Variants in FARS2 observed in about 807,000 individuals in gnomAD.
The protein encoded by FARS2 is phenylalanyl-tRNA synthetase 2, mitochondrial.
FARS2 carries 40 observed loss-of-function variants against 46.4 expected under a neutral mutation model. The observed-to-expected ratio is 0.86, with a 90% CI of 0.67 to 1.12. The LOEUF (loss-of-function observed/expected upper bound fraction) is 1.12. Ranked by LOEUF, FARS2 falls within the 50% of genes most tolerant of loss-of-function variation. The probability of loss-of-function intolerance (pLI) is 0.00; values close to 1 mark genes in which losing one functional copy is unlikely to be tolerated. For missense variants in FARS2, 513 were observed against 567.9 expected (o/e 0.90, Z 0.98); for synonymous variants, 234 against 214.9 (o/e 1.09, Z -0.78).
At chr6:5,767,457 A>G (rs576387029) in intron 6 of FARS2, among the ~76,000 whole-genome samples, 7 of 152,288 alleles carry the variant, frequency 4.6e-5, no homozygotes, top group Admixed American at 1.3e-4. Flanking sequence ...CATGCTATCA[A>G]TTCTCTAGGA....
At chr6:5,707,086 T>C (rs1464209097) in intron 6 of FARS2, among the ~76,000 whole-genome samples, 1 of 152,234 alleles carries the variant, frequency 6.6e-6, no homozygotes, top group Non-Finnish European at 1.5e-5. Flanking sequence ...ATATGTGCTT[T>C]TCCTGCATTC....
chr6:5,713,128 T>A, intron 6 of FARS2, among the ~76,000 whole-genome samples: 1 of 152,242 alleles, frequency 6.6e-6, no homozygotes, highest in Admixed American at 6.5e-5. Context: ...TGATTTGTGA[T>A]TTTGTCTTTA....
At chr6:5,713,869 G>T (rs967467753) in intron 6 of FARS2, among the ~76,000 whole-genome samples, 1 of 152,184 alleles carries the variant, frequency 6.6e-6, no homozygotes, top group Non-Finnish European at 1.5e-5. Flanking sequence ...GCATATTGCC[G>T]TCTTGCTCTA....
chr6:5,256,491 GAAAA>G (rs1161084364), upstream of FARS2, among the ~76,000 whole-genome samples: 1 of 43,856 alleles, frequency 2.3e-5, no homozygotes, highest in Non-Finnish European at 3.6e-5. Flanking sequence ...ATTTCAACTG[GAAAA>G]AAAAAAAAAA....
At chr6:5,740,586 G>A (rs1285944635) in intron 6 of FARS2, among the ~76,000 whole-genome samples, 2 of 151,948 alleles carry the variant, frequency 1.3e-5, no homozygotes, top group Non-Finnish European at 2.9e-5. Context: ...GCTTGTCGTG[G>A]AGCCACAAAA....
At position 5,762,697 on chromosome 6, in the gene FARS2, C is replaced by G. The variant is rs527917172; in HGVS notation, c.1218-8594C>G. Among the ~76,000 whole-genome samples the G allele has an allele frequency of 2.6e-5, 4 of 152,128 alleles. No homozygotes were observed. In the East Asian group the frequency reaches 7.7e-4, roughly 29 times the overall value. ...AGCTGGGCCCGGCGGGGGAGGCCCT[C>G]TCTCTCTCTGCCTCTGGCCCTGCCT... On this transcript the variant is annotated intron_variant, in intron 6 of 6. Coordinates refer to ENST00000274680, the MANE Select transcript of FARS2 (RefSeq NM_006567.5).
chr6:5,585,150 T>C (rs906217868), intron 5 of FARS2, among the ~76,000 whole-genome samples: 1 of 152,148 alleles, frequency 6.6e-6, no homozygotes, highest in African/African-American at 2.4e-5. Context: ...TCTTCATATT[T>C]CTATTTTGCT....
intron 6 of FARS2, among the ~76,000 whole-genome samples, chr6:5,622,456 A>G (rs73360245): frequency 0.012 from 1,875 of 152,310 alleles, 31 homozygotes; most frequent in African/African-American, 0.04. Flanking sequence ...TCCAAAATTC[A>G]TGTCAAACAG....
At chr6:5,603,287 G>T (rs763303652) in intron 5 of FARS2, among the ~76,000 whole-genome samples, 1 of 152,140 alleles carries the variant, frequency 6.6e-6, no homozygotes, top group Non-Finnish European at 1.5e-5. Flanking sequence ...TGTTAAAATG[G>T]TTTTCGCCAC....
In FARS2 at chr6:5,341,212, TATATATATATATATATATATA is replaced by T. The variant is rs1340757307; in HGVS notation, c.-21-27337_-21-27317del. ...AGATATATATATATATATATATATATATATATATATATATATATATATATTTTTTTTTTTTTTTTTTTTTTC... is the reference window on the plus strand; with the variant it reads ...AGATATATATATATATATATATATATTATTTTTTTTTTTTTTTTTTTTTTC... On this transcript the variant is annotated intron_variant, in intron 1 of 6. Transcript: ENST00000274680. 3.9e-3 allele frequency among the ~76,000 whole-genome samples: 25 copies of T among 6,492 alleles called. 2 individuals are homozygous for T. The highest frequency in any genetic ancestry group is 5.6e-3 in the African/African-American group (11 of 1,962). The allele number at this position is 6,492 out of a possible 152,430, so 4.3% of individuals were successfully genotyped here.
rs531610571 is a variant in FARS2, at chr6:5,537,966, A to G, written c.905-7214A>G. 2.0e-5 allele frequency among the ~76,000 whole-genome samples: 3 copies of G among 152,120 alleles called. No homozygotes were observed. The South Asian group carries it at 6.2e-4, about 32-fold the overall frequency. ...GCTCGCCCTCTTAGGAAGATTTTCAACAATTATAAATACAAAAAATGTTCT... is the reference window on the plus strand; with the variant it reads ...GCTCGCCCTCTTAGGAAGATTTTCAGCAATTATAAATACAAAAAATGTTCT... On this transcript the variant is annotated intron_variant, in intron 4 of 6. Transcript: ENST00000274680.
chr6:5,446,284 A>G (rs1327763091), intron 4 of FARS2, among the ~76,000 whole-genome samples: 1 of 152,140 alleles, frequency 6.6e-6, no homozygotes, highest in Non-Finnish European at 1.5e-5. Context: ...AACATAAGTA[A>G]TTCAGAACAT....
At chr6:5,286,991 A>G (rs6597124) in intron 1 of FARS2, among the ~76,000 whole-genome samples, 119,618 of 152,082 alleles carry the variant, frequency 0.79, 47,902 homozygotes, top group African/African-American at 0.94. Flanking sequence ...TTGTGGCCCC[A>G]GGCCTGGCCG....
chr6:5,735,725 T>A (rs1324068535), intron 6 of FARS2, among the ~76,000 whole-genome samples: 6 of 152,188 alleles, frequency 3.9e-5, no homozygotes, highest in Non-Finnish European at 8.8e-5. Flanking sequence ...ATAACCGTGG[T>A]CAATAGCGGT....
intron 2 of FARS2, among the ~76,000 whole-genome samples, chr6:5,370,206 C>T (rs999958882): frequency 6.6e-6 from 1 of 152,142 alleles, no homozygotes; most frequent in East Asian, 1.9e-4. Flanking sequence ...TTCTATAAGT[C>T]CTATAGCAGG....
chr6:5,562,867 G>A (rs74556615), intron 5 of FARS2, among the ~76,000 whole-genome samples: 19,850 of 149,562 alleles, frequency 0.13, 1,842 homozygotes, highest in East Asian at 0.31. Context: ...GCAATGGCGC[G>A]ATCTAGGCTC....
chr6:5,701,950 G>T (rs954872479), intron 6 of FARS2, among the ~76,000 whole-genome samples: 2 of 152,304 alleles, frequency 1.3e-5, no homozygotes, highest in Admixed American at 1.3e-4. Context: ...GGTAGAAAAT[G>T]ATGGGTGGCT....
At chr6:5,752,881 C>A (rs765559044) in intron 6 of FARS2, among the ~76,000 whole-genome samples, 1 of 152,070 alleles carries the variant, frequency 6.6e-6, no homozygotes, top group African/African-American at 2.4e-5. Context: ...CAAGACCCCC[C>A]CCAGGTCTCT....
chr6:5,751,853 G>A (rs1761966040), intron 6 of FARS2, among the ~76,000 whole-genome samples: 1 of 152,172 alleles, frequency 6.6e-6, no homozygotes, highest in Non-Finnish European at 1.5e-5. Context: ...GTTTGTGCCT[G>A]AGTGCCCTAT....
Sources: allele counts gnomAD v4.1 joint callset (sites outside exome capture counted in the v4.1 genomes callset), GRCh38; gene constraint gnomAD v4.1.1; transcripts MANE v1.5; gene names NCBI Gene and HGNC (gene_info 2026-07-23, HGNC 2026-07-21).